The following SYN3 variants were observed in gnomAD, a reference collection of about 807,000 sequenced individuals.
SYN3 encodes the protein synapsin-3.
SYN3 carries 35 observed loss-of-function variants against 65.8 expected under a neutral mutation model. The observed-to-expected ratio is 0.53, with a 90% CI of 0.41 to 0.70. SYN3 has a LOEUF of 0.70. Ranked by LOEUF, SYN3 falls within the 30% of genes least tolerant of loss-of-function variation. The pLI is 0.00. For missense variants in SYN3, 680 were observed against 749.0 expected, an observed-to-expected ratio of 0.91 and a Z score of 1.08; for synonymous variants, 270 against 292.9, an observed-to-expected ratio of 0.92 and a Z score of 0.80.
At chr22:32,835,162 GAC>G (rs1283215014) in intron 6 of SYN3, among the ~76,000 whole-genome samples, 2 of 152,220 alleles carry the variant, frequency 1.3e-5, no homozygotes, top group Non-Finnish European at 2.9e-5. Flanking sequence ...CATACTGGGT[GAC>G]AGAGTGCACA....
intron 6 of SYN3, among the ~76,000 whole-genome samples, chr22:32,781,945 T>C (rs2046076034): frequency 6.6e-6 from 1 of 152,150 alleles, no homozygotes; most frequent in Non-Finnish European, 1.5e-5. Flanking sequence ...TATTTCGCAA[T>C]GAAGTTTTCC....
At chr22:32,758,219 TA>T (rs1168803211) in intron 6 of SYN3, among the ~76,000 whole-genome samples, 2 of 152,226 alleles carry the variant, frequency 1.3e-5, no homozygotes, top group Non-Finnish European at 2.9e-5. Context: ...ATGTTAGGCA[TA>T]ATTATGACCT....
chr22:32,509,502 C>A lies in SYN3; in HGVS notation c.*4190G>T, dbSNP rs1261977473. Among the ~76,000 whole-genome samples, 1 of 152,034 alleles carries A rather than the reference C, an allele frequency of 6.6e-6. No homozygotes were observed. Among genetic ancestry groups the A allele is most frequent in the Admixed American group, 6.6e-5 (1 of 15,266 alleles). On this transcript the variant is annotated 3_prime_UTR_variant, in exon 14 of 14. Coordinates refer to ENST00000358763, the MANE Select transcript of SYN3 (RefSeq NM_003490.4). ...GTGACAGAACAGACTATTTTAGGGT[C>A]GCCATGAGACCTATGTGTCCTTGGT... is the stretch of plus-strand genomic sequence containing the variant.
At chr22:32,625,253 G>A (rs987390415) in intron 6 of SYN3, among the ~76,000 whole-genome samples, 7 of 152,172 alleles carry the variant, frequency 4.6e-5, no homozygotes, top group African/African-American at 1.4e-4. Flanking sequence ...TCTTTCTAAT[G>A]GAATAGATTG....
At position 32,731,107 on chromosome 22, in the gene SYN3, A is replaced by T. The variant is rs555789754; in HGVS notation, c.711+133808T>A. On this transcript the variant is annotated intron_variant, in intron 6 of 13. Coordinates refer to ENST00000358763, the MANE Select transcript of SYN3 (RefSeq NM_003490.4). ...CACAACAGCAGGACATATCTGCCTC[A>T]TCCACCCAGGCATCCCTAGTGCTCA... Among the ~76,000 whole-genome samples, 345 of 152,300 alleles carry T rather than the reference A, an allele frequency of 2.3e-3. 7 individuals carry two copies. The highest frequency in any genetic ancestry group is 3.1e-3 in the Non-Finnish European group (210 of 68,026).
At chr22:32,685,553 C>T (rs922611311) in intron 6 of SYN3, among the ~76,000 whole-genome samples, 13 of 152,306 alleles carry the variant, frequency 8.5e-5, no homozygotes, top group African/African-American at 2.9e-4. Context: ...CAATGTGGTA[C>T]CACTGCCTGC....
intron 6 of SYN3, among the ~76,000 whole-genome samples, chr22:32,689,678 G>A (rs1023139267): frequency 6.6e-6 from 1 of 152,172 alleles, no homozygotes; most frequent in East Asian, 1.9e-4. Flanking sequence ...CCCAGAGACC[G>A]TGGCTTGTCC....
At chr22:32,831,637 C>G (rs1462464557) in intron 6 of SYN3, among the ~76,000 whole-genome samples, 1 of 152,188 alleles carries the variant, frequency 6.6e-6, no homozygotes, top group African/African-American at 2.4e-5. Context: ...CTTTAGAATT[C>G]TTCTGTATGT....
intron 6 of SYN3, among the ~76,000 whole-genome samples, chr22:32,842,778 A>C (rs1469883530): frequency 6.6e-6 from 1 of 152,208 alleles, no homozygotes; most frequent in Non-Finnish European, 1.5e-5. Flanking sequence ...ACAAAGGTCT[A>C]AACAGATGAT....
chr22:32,603,598 C>T (rs1019277276), intron 6 of SYN3, among the ~76,000 whole-genome samples: 6 of 151,818 alleles, frequency 4.0e-5, no homozygotes, highest in East Asian at 3.9e-4. Flanking sequence ...ACAGTGAAGA[C>T]GGTGCTGCTG....
intron 12 of SYN3, among the ~76,000 whole-genome samples, chr22:32,521,282 G>C (rs1189873568): frequency 6.6e-6 from 1 of 152,116 alleles, no homozygotes; most frequent in Non-Finnish European, 1.5e-5. Context: ...TAGGGCTGGA[G>C]GCAAACGCAG....
chr22:33,003,675 CA>C (rs2053125372), intron 2 of SYN3, among the ~76,000 whole-genome samples: 2 of 152,186 alleles, frequency 1.3e-5, no homozygotes, highest in South Asian at 4.1e-4. Flanking sequence ...GAAAAATTTG[CA>C]GCCTGACAAT....
chr22:32,613,497 C>A (rs1304425126), intron 6 of SYN3, among the ~76,000 whole-genome samples: 1 of 152,138 alleles, frequency 6.6e-6, no homozygotes, highest in Non-Finnish European at 1.5e-5. Flanking sequence ...TGGAGTTAAT[C>A]CTGCCAACAA....
chr22:32,644,134 A>G (rs1042265679), intron 6 of SYN3, among the ~76,000 whole-genome samples: 3 of 151,302 alleles, frequency 2.0e-5, no homozygotes, highest in African/African-American at 7.3e-5. Flanking sequence ...GGGAGAAAGG[A>G]ACTATTCAGG....
intron 6 of SYN3, chr22:32,849,616 T>A: frequency 7.9e-7 from 1 of 1,259,812 alleles, no homozygotes; most frequent in East Asian, 2.5e-5. Flanking sequence ...GCAAAGTGGG[T>A]TGGAACTGGG....
chr22:33,025,671 A>C (rs1317000055), intron 1 of SYN3, among the ~76,000 whole-genome samples: 1 of 151,902 alleles, frequency 6.6e-6, no homozygotes, highest in Admixed American at 6.6e-5. Context: ...TGGTATCTGC[A>C]ACTTTCTCAG....
chr22:32,718,021 C>T (rs111622042), intron 6 of SYN3, among the ~76,000 whole-genome samples: 2,473 of 152,288 alleles, frequency 0.016, 32 homozygotes, highest in Middle Eastern at 0.037. Context: ...AGATTTAAGG[C>T]GACTAGCTTG....
At chr22:32,880,271 C>A (rs2049092885) in intron 4 of SYN3, among the ~76,000 whole-genome samples, 1 of 152,152 alleles carries the variant, frequency 6.6e-6, no homozygotes, top group African/African-American at 2.4e-5. Flanking sequence ...GGCTGGGTTC[C>A]CTAGAAGTGG....
intron 6 of SYN3, among the ~76,000 whole-genome samples, chr22:32,638,343 G>T (rs2059848546): frequency 6.6e-6 from 1 of 152,056 alleles, no homozygotes; most frequent in Non-Finnish European, 1.5e-5. Flanking sequence ...GTAATGGCTG[G>T]GTTGAATGGT....
Sources: allele counts gnomAD v4.1 joint callset (sites outside exome capture counted in the v4.1 genomes callset), GRCh38; gene constraint gnomAD v4.1.1; transcripts MANE v1.5; gene names NCBI Gene and HGNC (gene_info 2026-07-23, HGNC 2026-07-21).